Variants in ROCK2 observed in about 807,000 individuals in gnomAD.
ROCK2 encodes the protein Rho associated coiled-coil containing protein kinase 2, also known as rho-associated protein kinase 2.
In ROCK2, 61 loss-of-function variants were observed where a neutral mutation model predicts 195.1. The observed-to-expected ratio is 0.31, with a 90% CI of 0.25 to 0.39. The LOEUF is 0.39. ROCK2 is among the 10% of genes least tolerant of loss of function. The pLI is 1.00. For synonymous variants in ROCK2, 504 were observed against 545.5 expected, an observed-to-expected ratio of 0.92 and a Z score of 1.06; for missense variants, 1,109 against 1,637.4, an observed-to-expected ratio of 0.68 and a Z score of 5.57.
chr2:11,199,337 A>C (rs2148041079), intron 23 of ROCK2, among the ~76,000 whole-genome samples: 1 of 151,062 alleles, frequency 6.6e-6, no homozygotes. Context: ...TTTGGAGACA[A>C]GGTCTCAAGC....
chr2:11,246,881 A>G (rs1665636241), intron 4 of ROCK2, among the ~76,000 whole-genome samples: 1 of 152,206 alleles, frequency 6.6e-6, no homozygotes, highest in Admixed American at 6.5e-5. Flanking sequence ...ATGTGTGAAC[A>G]TATGTACCAA....
At chr2:11,272,601 C>T (rs543335062) in intron 3 of ROCK2, among the ~76,000 whole-genome samples, 5 of 152,044 alleles carry the variant, frequency 3.3e-5, no homozygotes, top group African/African-American at 1.2e-4. Context: ...CAGAGCTGGC[C>T]GGCTGCAGTG....
chr2:11,317,587 TATATATATATATATATATATA>T (rs1668242505), intron 1 of ROCK2, among the ~76,000 whole-genome samples: 1 of 12,448 alleles, frequency 8.0e-5, no homozygotes, highest in East Asian at 0.015. Context: ...TATATATATA[TATATATATATATATATATATA>T]TATATTTTTT....
intron 1 of ROCK2, among the ~76,000 whole-genome samples, chr2:11,341,556 CATTTCT>C (rs1162586523): frequency 2.0e-5 from 3 of 152,148 alleles, no homozygotes; most frequent in Admixed American, 6.5e-5. Flanking sequence ...ATCATACAAT[CATTTCT>C]GGTGTACTTC....
At position 11,286,615 on chromosome 2, in the gene ROCK2, C is replaced by T; in HGVS notation, c.248G>A (p.Arg83Lys). The T allele has an allele frequency of 1.2e-6, 2 of 1,606,284 alleles. No individual in the cohort carries two copies. Among genetic ancestry groups the T allele is most frequent in the Non-Finnish European group, 1.7e-6 (2 of 1,174,726 alleles). The part of the protein sequence containing the change: ...NRYEKIVKKI[R>K]GLQMKAEDYD... Reference sequence around the variant, plus strand: ...GTCTTCTGCCTTCATCTGTAGACCTCTGATTTTTTTCACAATTTTCTCATC... The same window carrying T: ...GTCTTCTGCCTTCATCTGTAGACCTTTGATTTTTTTCACAATTTTCTCATC... Residue 83 changes from arginine to lysine, a missense_variant, in exon 3 of 33, where the codon AGA becomes AAA. Arg to Lys is a conservative substitution (Grantham distance 26, BLOSUM62 2). Transcript: ENST00000315872.
chr2:11,267,873 C>T (rs1325846669), intron 3 of ROCK2, among the ~76,000 whole-genome samples: 5 of 151,910 alleles, frequency 3.3e-5, no homozygotes, highest in Non-Finnish European at 7.4e-5. Flanking sequence ...TCTCAAACTC[C>T]TGGCCTCAGG....
chr2:11,211,698 T>A lies in ROCK2; in HGVS notation c.2186A>T (p.Lys729Ile). ...ATGCATACCTTTCATGGCTTCTGAT[T>A]TGGCTTCTTCGATGGACTCATAGAT... ...NKIYESIEEA[K>I]SEAMKEMEKK... Residue 729 changes from lysine to isoleucine, a missense_variant, in exon 18 of 33, where the codon AAA becomes ATA. Lys to Ile is a moderately radical substitution (Grantham distance 102). Around this residue, in one of 6 missense-constraint regions of ROCK2, gnomAD observed 542 missense variants for 672.0 expected, o/e 0.81. Coordinates refer to ENST00000315872, the MANE Select transcript of ROCK2 (RefSeq NM_004850.5). The A allele has an allele frequency of 1.2e-6, 2 of 1,605,496 alleles. No individual in the cohort carries two copies. Among genetic ancestry groups the A allele is most frequent in the East Asian group, 2.2e-5 (1 of 44,816 alleles).
chr2:11,221,289 C>T lies in ROCK2; in HGVS notation c.1168G>A (p.Asp390Asn). The T allele has an allele frequency of 6.3e-7, 1 of 1,593,420 alleles. No individual in the cohort carries two copies. Among genetic ancestry groups the T allele is most frequent in the Non-Finnish European group, 8.5e-7 (1 of 1,172,124 alleles). Residue 390 changes from aspartate (D) to asparagine (N), a missense_variant, in exon 9 of 33, where the codon GAC (aspartate) becomes AAC (asparagine). Around this residue, in one of 6 missense-constraint regions of ROCK2, gnomAD observed 253 missense variants for 455.5 expected, o/e 0.56. Transcript: ENST00000315872. ...GGGAAGGTTTCTACATCTCCTTTGT[C>T]ATCTTCAATGTCATCGAAATTGCTG... ...DSSNFDDIED[D>N]KGDVETFPIP... is the part of the protein sequence containing the mutation.
intron 29 of ROCK2, 60 bp downstream of exon 29, chr2:11,194,196 T>C (rs372690238): frequency 7.1e-6 from 5 of 700,224 alleles, no homozygotes; most frequent in East Asian, 5.7e-5. Flanking sequence ...ATAAATTGCA[T>C]TGTTAGTCTC....
intron 20 of ROCK2, among the ~76,000 whole-genome samples, chr2:11,204,597 T>C (rs937609205): frequency 6.6e-6 from 1 of 152,216 alleles, no homozygotes. Context: ...TGGGCCTTAC[T>C]TACGTCTTTC....
chr2:11,228,363 G>A (rs1183359979), intron 5 of ROCK2, among the ~76,000 whole-genome samples: 1 of 152,066 alleles, frequency 6.6e-6, no homozygotes, highest in Non-Finnish European at 1.5e-5. Context: ...TATAAAACTT[G>A]TTATAGAAAA....
In ROCK2 at chr2:11,185,771, TA is replaced by T. The variant is rs11408661; in HGVS notation, c.4164-2332del. ...AATAAAAATAAAAATAAATAAATAA[TA>T]AAAAAAAGCAGTAACTTTTTCATTT... On this transcript the variant is annotated intron_variant, in intron 32 of 32. Coordinates refer to ENST00000315872, the MANE Select transcript of ROCK2 (RefSeq NM_004850.5). Among the ~76,000 whole-genome samples, 54 of 151,122 alleles carry T rather than the reference TA, an allele frequency of 3.6e-4. No homozygotes were observed. The East Asian group carries it at 6.4e-3, about 18-fold the overall frequency.
chr2:11,207,149 G>A (rs772041737), intron 20 of ROCK2, among the ~76,000 whole-genome samples: 2 of 152,002 alleles, frequency 1.3e-5, no homozygotes, highest in African/African-American at 2.4e-5. Flanking sequence ...GTGGCTATTC[G>A]CAGGCATGAT....
At chr2:11,214,215 C>G (rs1332949719) in intron 17 of ROCK2, 142 bp downstream of exon 17, 2 of 589,488 alleles carry the variant, frequency 3.4e-6, no homozygotes, top group South Asian at 2.0e-5. Context: ...CATCTCTTAT[C>G]TACACATCAA....
At chr2:11,328,346 T>G (rs1431486914) in intron 1 of ROCK2, among the ~76,000 whole-genome samples, 1 of 152,240 alleles carries the variant, frequency 6.6e-6, no homozygotes, top group Non-Finnish European at 1.5e-5. Flanking sequence ...TGATTTTGTA[T>G]GCACATACAT....
chr2:11,243,997 G>C (rs1665524365), intron 4 of ROCK2, among the ~76,000 whole-genome samples: 1 of 152,086 alleles, frequency 6.6e-6, no homozygotes, highest in Admixed American at 6.5e-5. Context: ...GCAATACCTA[G>C]CTGTGTGAAA....
intron 1 of ROCK2, among the ~76,000 whole-genome samples, chr2:11,295,276 CTTAAT>C (rs1236902771): frequency 1.5e-4 from 23 of 152,214 alleles, no homozygotes; most frequent in African/African-American, 3.6e-4. Flanking sequence ...GAATCCTATT[CTTAAT>C]TTAATATTGG....
intron 20 of ROCK2, 122 bp from the exon 21 acceptor site, chr2:11,202,243 T>A: frequency 1.3e-6 from 1 of 784,412 alleles, no homozygotes; most frequent in Non-Finnish European, 2.3e-6. Context: ...ACCCATAAGG[T>A]CAAATCATTT....
intron 1 of ROCK2, chr2:11,308,713 A>C (rs555661052): frequency 6.2e-7 from 1 of 1,610,306 alleles, no homozygotes; most frequent in African/African-American, 1.3e-5. Flanking sequence ...AGCATGTTGA[A>C]AAATTAACCA....
Sources: allele counts gnomAD v4.1 joint callset (sites outside exome capture counted in the v4.1 genomes callset), GRCh38; gene constraint gnomAD v4.1.1; regional missense constraint gnomAD v4.1.1; transcripts MANE v1.5; gene names NCBI Gene and HGNC (gene_info 2026-07-23, HGNC 2026-07-21).